The following HOXA11 variants were observed in gnomAD, a reference collection of about 807,000 sequenced individuals.
HOXA11 encodes the protein homeobox protein Hox-A11.
A neutral mutation model predicts 22.5 loss-of-function variants in HOXA11; 8 were observed. The ratio of observed to expected loss-of-function variants is 0.36; its 90% confidence interval spans 0.21 to 0.64. HOXA11 has a LOEUF of 0.64. HOXA11 is among the 30% of genes least tolerant of loss of function. The probability of loss-of-function intolerance (pLI) is 0.67; values close to 1 mark genes in which losing one functional copy is unlikely to be tolerated. For synonymous variants in HOXA11, 211 were observed against 188.4 expected, an observed-to-expected ratio of 1.12 and a Z score of -0.98; for missense variants, 388 against 429.0, an observed-to-expected ratio of 0.90 and a Z score of 0.84.
Position 27,182,909 on chromosome 7 carries a change from T to C in HOXA11, c.829A>G (p.Met277Val). 6.2e-7 allele frequency: 1 copy of C among 1,614,096 alleles called. No individual in the cohort carries two copies. Among genetic ancestry groups the C allele is most frequent in the Non-Finnish European group, 8.5e-7 (1 of 1,179,926 alleles). The change falls in exon 2 of 2, where the codon ATG becomes GTG. Residue 277 changes from methionine (M) to valine (V), a missense_variant. This residue lies in a region of HOXA11 where 55 missense variants were observed against 90.8 expected (regional missense o/e 0.61). Transcript: ENST00000006015. ...ACTTGACGATCAGTGAGGTTGAGCA[T>C]GCGGGACAGTTGCAGGCGCTTCTCT... ...NKEKRLQLSR[M>V]LNLTDRQVKI...
intron 1 of HOXA11, among the ~76,000 whole-genome samples, chr7:27,183,570 C>G (rs898657483): frequency 6.6e-6 from 1 of 152,144 alleles, no homozygotes; most frequent in African/African-American, 2.4e-5. Flanking sequence ...CCCCGGCCAG[C>G]CTTCCGGCTC....
In HOXA11 at chr7:27,185,177, G is replaced by A; in HGVS notation, c.-33C>T. On this transcript the variant is annotated 5_prime_UTR_variant, in exon 1 of 2. Transcript: ENST00000006015. Reference sequence around the variant, plus strand: ...CTACCTTGGGCTCTCCGCAGTAGCCGAGCTTAACATGATTCTCCACTGCAG... The same window carrying A: ...CTACCTTGGGCTCTCCGCAGTAGCCAAGCTTAACATGATTCTCCACTGCAG... The A allele has an allele frequency of 1.2e-6, 2 of 1,613,070 alleles. No homozygotes were observed. Among genetic ancestry groups the A allele is most frequent in the Non-Finnish European group, 1.7e-6 (2 of 1,179,890 alleles).
In HOXA11 at chr7:27,185,116, G is replaced by A. The variant is rs1783843820; in HGVS notation, c.29C>T (p.Ser10Phe). The A allele has an allele frequency of 6.2e-7, 1 of 1,614,052 alleles. No individual in the cohort carries two copies. The highest frequency in any genetic ancestry group is 8.5e-7 in the Non-Finnish European group (1 of 1,179,994). Residue 10 changes from serine to phenylalanine, a missense_variant, in exon 1 of 2, where the codon TCC (serine) becomes TTC (phenylalanine). Physicochemically the swap from Ser to Phe is radical, Grantham distance 155 (BLOSUM62 -2). This residue lies in a region of HOXA11 where 26 missense variants were observed against 26.5 expected (regional missense o/e 0.98). Transcript: ENST00000006015. Reference protein sequence around the residue: MDFDERGPCSSNMYLPSCTY... With the variant: MDFDERGPCFSNMYLPSCTY... ...ACAACTTGGCAAATACATGTTAGAG[G>A]AGCAGGGACCACGCTCATCAAAATC...
At position 27,182,464 on chromosome 7, in the gene HOXA11, A is replaced by T. The variant is rs1430076897; in HGVS notation, c.*332T>A. ...AGTAGAGGGAGGGTGTGGTGGGGTT[A>T]GTCTCCAGGGGGTCTGGCAGGGGCC... On this transcript the variant is annotated 3_prime_UTR_variant, in exon 2 of 2. Transcript: ENST00000006015. 6.6e-6 allele frequency: 3 copies of T among 456,480 alleles called. No individual in the cohort carries two copies. Among genetic ancestry groups the T allele is most frequent in the Non-Finnish European group, 1.2e-5 (3 of 247,168 alleles). 28.3% of individuals were successfully genotyped at this position (456,480 alleles called of 1,614,324 possible).
rs369311259 is a variant in HOXA11, at chr7:27,184,786, G to T, written c.359C>A (p.Pro120His). 1 of 1,613,836 alleles carries T rather than the reference G, an allele frequency of 6.2e-7. No homozygotes were observed. Among genetic ancestry groups the T allele is most frequent in the Non-Finnish European group, 8.5e-7 (1 of 1,179,964 alleles). Residue 120 changes from proline (P) to histidine (H), a missense_variant, in exon 1 of 2, where the codon CCC becomes CAC. Physicochemically the swap from Pro to His is moderately conservative, Grantham distance 77 (BLOSUM62 -2). Around this residue, in one of 4 missense-constraint regions of HOXA11, gnomAD observed 295 missense variants for 281.1 expected, o/e 1.05. Transcript: ENST00000006015. ...GCTATAGAAATTGGACGAGACTGCG[G>T]GGGTGGGGTGGTGGTAGACGTTGGC... The part of the protein sequence containing the change: ...SSANVYHHPT[P>H]AVSSNFYSTV...
In HOXA11 at chr7:27,181,260, C is replaced by G. The variant is rs1221797935; in HGVS notation, c.*1536G>C. 1.3e-5 allele frequency among the ~76,000 whole-genome samples: 2 copies of G among 152,172 alleles called. No homozygotes were observed. The highest frequency in any genetic ancestry group is 2.9e-5 in the Non-Finnish European group (2 of 68,042). On this transcript the variant is annotated 3_prime_UTR_variant, in exon 2 of 2. Transcript: ENST00000006015. ...AGAATTGAGGACAGGCCAACACTCC[C>G]AGTACAAATGGAGCCAACAGACATT...
In HOXA11 at chr7:27,184,848, C is replaced by G. The variant is rs1427113939; in HGVS notation, c.297G>C (p.Ala99=). The change falls in exon 1 of 2, where the codon GCG becomes GCC. Residue 99 remains alanine (A), a synonymous_variant. Coordinates refer to ENST00000006015, the MANE Select transcript of HOXA11 (RefSeq NM_005523.6). ...VHRDCLQAPS[A]AGVPGDVLAK... Reference sequence around the variant, plus strand: ...CCAGCACGTCGCCAGGCACGCCGGCCGCGCTGGGCGCCTGCAGGCAGTCTC... The same window carrying G: ...CCAGCACGTCGCCAGGCACGCCGGCGGCGCTGGGCGCCTGCAGGCAGTCTC... 1 of 1,612,610 alleles carries G rather than the reference C, an allele frequency of 6.2e-7. No individual in the cohort carries two copies. Among genetic ancestry groups the G allele is most frequent in the Admixed American group, 1.7e-5 (1 of 59,990 alleles).
In HOXA11 at chr7:27,182,539, A is replaced by C. The variant is rs1783788213; in HGVS notation, c.*257T>G. The C allele has an allele frequency of 1.9e-6, 1 of 540,164 alleles. No homozygotes were observed. Among genetic ancestry groups the C allele is most frequent in the African/African-American group, 1.9e-5 (1 of 53,126 alleles). The allele number at this position is 540,164 out of a possible 1,614,324, so 33.5% of individuals were successfully genotyped here. A position where few individuals can be genotyped will look rare whatever the true frequency, so the allele number is the denominator to read the frequency against. The stretch of plus-strand genomic sequence containing the variant: ...AGCCCGCAGCTCTGCAGGCTCCAAG[A>C]GTGAACCACCAGGGGTCCCAAACCT... On this transcript the variant is annotated 3_prime_UTR_variant, in exon 2 of 2. Coordinates refer to ENST00000006015, the MANE Select transcript of HOXA11 (RefSeq NM_005523.6).
Position 27,184,812 on chromosome 7 carries a change from C to T in HOXA11, c.333G>A (p.Ser111=). The change falls in exon 1 of 2, where the codon TCG becomes TCA. Residue 111 remains serine (S), a synonymous_variant. Transcript: ENST00000006015. ...GVPGDVLAKS[S]ANVYHHPTPA... ...GGGTGGGGTGGTGGTAGACGTTGGC[C>T]GAGCTCTTGGCCAGCACGTCGCCAG... 6.2e-7 allele frequency: 1 copy of T among 1,613,792 alleles called. No individual in the cohort carries two copies. The highest frequency in any genetic ancestry group is 8.5e-7 in the Non-Finnish European group (1 of 1,179,854).
intron 1 of HOXA11, 21 bp downstream of exon 1, chr7:27,184,415 G>A (rs781780507): frequency 1.3e-6 from 2 of 1,573,328 alleles, no homozygotes; most frequent in Non-Finnish European, 1.7e-6. Flanking sequence ...ATAAAGCGCA[G>A]GGCGCTGCCT....
rs1783775903 is a variant in HOXA11, at chr7:27,181,951, G to GTTTGCCAAACTGCCACACTCCACAGCCA, written c.*817_*844dup. ...CAAGTTTCATTACGTGTGGTGGAGA[G>GTTTGCCAAACTGCCACACTCCACAGCCA]TTTGCCAAACTGCCACACTCCACAG... On this transcript the variant is annotated 3_prime_UTR_variant, in exon 2 of 2. Coordinates refer to ENST00000006015, the MANE Select transcript of HOXA11 (RefSeq NM_005523.6). The GTTTGCCAAACTGCCACACTCCACAGCCA allele has an allele frequency of 8.8e-6, 2 of 228,418 alleles. No individual in the cohort carries two copies. The highest frequency in any genetic ancestry group is 2.2e-5 in the African/African-American group (1 of 45,056). 14.1% of individuals were successfully genotyped at this position (228,418 alleles called of 1,614,324 possible).
chr7:27,184,253 C>A (rs1277928230), intron 1 of HOXA11, among the ~76,000 whole-genome samples, 183 bp downstream of exon 1: 1 of 152,064 alleles, frequency 6.6e-6, no homozygotes, highest in African/African-American at 2.4e-5. Context: ...GGGTATTTCA[C>A]GGCCAATTTC....
Position 27,182,566 on chromosome 7 carries a change from T to C in HOXA11, c.*230A>G. ...TGAACCACCAGGGGTCCCAAACCTG[T>C]CATTCTAGCTGATGCACAGCTCTCA... On this transcript the variant is annotated 3_prime_UTR_variant, in exon 2 of 2. Transcript: ENST00000006015. 1.7e-6 allele frequency: 1 copy of C among 582,818 alleles called. No homozygotes were observed. Among genetic ancestry groups the C allele is most frequent in the South Asian group, 1.9e-5 (1 of 52,322 alleles). 36.1% of individuals were successfully genotyped at this position (582,818 alleles called of 1,614,324 possible). A position where few individuals can be genotyped will look rare whatever the true frequency, so the allele number is the denominator to read the frequency against.
At position 27,182,605 on chromosome 7, in the gene HOXA11, A is replaced by T; in HGVS notation, c.*191T>A. ...GCACAGCTCTCAGAATCCAATGATT[A>T]TTAGGAATCTTAACCACTGAGATCT... is the stretch of plus-strand genomic sequence containing the variant. On this transcript the variant is annotated 3_prime_UTR_variant, in exon 2 of 2. Coordinates refer to ENST00000006015, the MANE Select transcript of HOXA11 (RefSeq NM_005523.6). 1 of 648,972 alleles carries T rather than the reference A, an allele frequency of 1.5e-6. No homozygotes were observed. The allele number at this position is 648,972 out of a possible 1,614,324, so 40.2% of individuals were successfully genotyped here. A position where few individuals can be genotyped will look rare whatever the true frequency, so the allele number is the denominator to read the frequency against.
rs1243767989 is a variant in HOXA11, at chr7:27,184,878, C to A, written c.267G>T (p.Val89=). ...TGGGCGCCTGCAGGCAGTCTCTGTG[C>A]ACGAGCTCCTCCGCGGAGTAGCAGT... ...LAHCYSAEEL[V]HRDCLQAPSA... Residue 89 remains valine (V), a synonymous_variant, in exon 1 of 2, where the codon GTG becomes GTT. Coordinates refer to ENST00000006015, the MANE Select transcript of HOXA11 (RefSeq NM_005523.6). 7 of 1,614,054 alleles carry A rather than the reference C, an allele frequency of 4.3e-6. No individual in the cohort carries two copies. Among genetic ancestry groups the A allele is most frequent in the Non-Finnish European group, 5.9e-6 (7 of 1,179,986 alleles).
At position 27,182,766 on chromosome 7, in the gene HOXA11, GC is replaced by G. The variant is rs754825702; in HGVS notation, c.*29del. The G allele has an allele frequency of 7.5e-7, 1 of 1,339,404 alleles. No individual in the cohort carries two copies. Among genetic ancestry groups the G allele is most frequent in the Non-Finnish European group, 1.1e-6 (1 of 930,126 alleles). 83.0% of individuals were successfully genotyped at this position (1,339,404 alleles called of 1,614,324 possible). On this transcript the variant is annotated 3_prime_UTR_variant, in exon 2 of 2. Transcript: ENST00000006015. Reference sequence around the variant, plus strand: ...CTGCATATTATCTCATGTGTATGAAGCCCCCCACCCAATTCCAGCCGCTGGA... The same window carrying G: ...CTGCATATTATCTCATGTGTATGAAGCCCCCACCCAATTCCAGCCGCTGGA...
rs745451301 is a variant in HOXA11, at chr7:27,184,547, AGCC to A, written c.595_597del (p.Gly199del). On this transcript the variant is annotated inframe_deletion, in exon 1 of 2. Coordinates refer to ENST00000006015, the MANE Select transcript of HOXA11 (RefSeq NM_005523.6). The stretch of plus-strand genomic sequence containing the variant: ...TCTGCTGCCGCCGCCGTCTCCCGGC[AGCC>A]GCCGCCGCCGCCGCTGTCCGAACTT... 5.0e-4 allele frequency: 739 copies of A among 1,484,582 alleles called. No individual in the cohort carries two copies. The highest frequency in any genetic ancestry group is 1.1e-3 in the Admixed American group (48 of 45,036). The allele number at this position is 1,484,582 out of a possible 1,614,324, so 92.0% of individuals were successfully genotyped here.
chr7:27,184,584 C>A lies in HOXA11; in HGVS notation c.561G>T (p.Pro187=). The A allele has an allele frequency of 2.0e-6, 3 of 1,495,220 alleles. No homozygotes were observed. The highest frequency in any genetic ancestry group is 2.7e-6 in the Non-Finnish European group (3 of 1,121,916). 92.6% of individuals were successfully genotyped at this position (1,495,220 alleles called of 1,614,324 possible). A position where few individuals can be genotyped will look rare whatever the true frequency, so the allele number is the denominator to read the frequency against. The change falls in exon 1 of 2, where the codon CCG becomes CCT. Residue 187 remains proline, a synonymous_variant. Transcript: ENST00000006015. ...CGCCGCTGTCCGAACTTGAAGTTGC[C>A]GGCGCGCCCGTTGCAGCCGCCGCCG... The part of the protein sequence containing the change: ...AAAAAAATGA[P]ATSSSDSGGG...
In HOXA11 at chr7:27,181,708, A is replaced by G. The variant is rs1783770326; in HGVS notation, c.*1088T>C. On this transcript the variant is annotated 3_prime_UTR_variant, in exon 2 of 2. Transcript: ENST00000006015. ...TTCGCTTTGGTTCCTTCAGGGAAAT[A>G]TATATATATATAATATAATATTTAT... The G allele has an allele frequency of 5.9e-6, 1 of 169,902 alleles. No individual in the cohort carries two copies. Among genetic ancestry groups the G allele is most frequent in the South Asian group, 2.0e-4 (1 of 4,972 alleles). The allele number at this position is 169,902 out of a possible 1,614,324, so 10.5% of individuals were successfully genotyped here. A position where few individuals can be genotyped will look rare whatever the true frequency, so the allele number is the denominator to read the frequency against.
Sources: gnomAD v4.1 joint callset for allele counts (sites outside exome capture counted in the v4.1 genomes callset) on GRCh38, gnomAD v4.1.1 for gene constraint, gnomAD v4.1.1 regional missense constraint, MANE v1.5 for transcripts, NCBI Gene and HGNC (gene_info 2026-07-23, HGNC 2026-07-21) for gene names.